FURIN: variants seen among roughly 807,000 people sequenced by gnomAD.
FURIN encodes FES upstream region.
A neutral mutation model predicts 89.2 loss-of-function variants in FURIN; 18 were observed. That is an observed-to-expected ratio of 0.20 (90% CI 0.14 to 0.30). The LOEUF is 0.30. Among genes scored for constraint, FURIN ranks in the 10% least tolerant of loss-of-function variants. The pLI is 1.00. For synonymous variants in FURIN, 508 were observed against 466.4 expected, an observed-to-expected ratio of 1.09 and a Z score of -1.15; for missense variants, 879 against 1,100.5, an observed-to-expected ratio of 0.80 and a Z score of 2.85.
In FURIN at chr15:90,881,929, A is replaced by C. The variant is rs2032006083; in HGVS notation, c.*51A>C. 6.3e-6 allele frequency: 8 copies of C among 1,269,812 alleles called. No individual in the cohort carries two copies. Among genetic ancestry groups the C allele is most frequent in the Non-Finnish European group, 8.9e-6 (8 of 900,552 alleles). 78.7% of individuals were successfully genotyped at this position (1,269,812 alleles called of 1,614,324 possible). A position where few individuals can be genotyped will look rare whatever the true frequency, so the allele number is the denominator to read the frequency against. Reference sequence around the variant, plus strand: ...CCAATCCCCTCCTTGGGCACTTTTTAATTCACCAAAGTATTTTTTTATCTT... The same window carrying C: ...CCAATCCCCTCCTTGGGCACTTTTTCATTCACCAAAGTATTTTTTTATCTT... On this transcript the variant is annotated 3_prime_UTR_variant, in exon 16 of 16. Coordinates refer to ENST00000268171, the MANE Select transcript of FURIN (RefSeq NM_002569.4). This position sits in a 1 kb window ranked among gnomAD's most constrained non-coding sequence, Gnocchi z 4.3.
At chr15:90,874,839 C>G (rs891100792) in intron 1 of FURIN, among the ~76,000 whole-genome samples, 1 of 152,066 alleles carries the variant, frequency 6.6e-6, no homozygotes, top group Non-Finnish European at 1.5e-5. Context: ...TGTATCCTTC[C>G]AGATTTCGCT....
intron 8 of FURIN, 130 bp from the exon 9 acceptor site, chr15:90,878,634 A>G (rs1353515152): frequency 3.2e-6 from 2 of 621,536 alleles, no homozygotes; most frequent in East Asian, 2.7e-5. Flanking sequence ...TTGATCCACC[A>G]GGGATCTCAC....
chr15:90,869,484 A>G (rs559580064), intron 1 of FURIN, among the ~76,000 whole-genome samples: 1 of 152,334 alleles, frequency 6.6e-6, no homozygotes, highest in African/African-American at 2.4e-5. Flanking sequence ...GTAAAATACA[A>G]TCTCATGTGA....
intron 1 of FURIN, chr15:90,873,119 G>C (rs555215544): frequency 1.3e-5 from 2 of 152,388 alleles, no homozygotes; most frequent in African/African-American, 4.8e-5. Context: ...GTCTGGGATG[G>C]GGGTGGGGAG....
intron 1 of FURIN, among the ~76,000 whole-genome samples, chr15:90,873,501 G>C (rs1388518471): frequency 2.0e-5 from 3 of 152,152 alleles, no homozygotes; most frequent in Non-Finnish European, 4.4e-5. Flanking sequence ...GTGGGGGCAG[G>C]GGGGTGGTTG....
intron 8 of FURIN, 107 bp downstream of exon 8, chr15:90,878,411 C>A: frequency 1.1e-6 from 1 of 948,764 alleles, no homozygotes; most frequent in Non-Finnish European, 1.5e-6. Flanking sequence ...TAACTTTACA[C>A]AAAGCATGTT....
At chr15:90,879,406 A>G in intron 9 of FURIN, 38 bp from the exon 10 acceptor site, 1 of 1,437,608 alleles carries the variant, frequency 7.0e-7, no homozygotes, top group South Asian at 1.1e-5. Flanking sequence ...AGCCCCCTCC[A>G]CCCATCACAG....
chr15:90,873,459 C>T (rs2031433275), intron 1 of FURIN, among the ~76,000 whole-genome samples: 2 of 152,284 alleles, frequency 1.3e-5, no homozygotes, highest in South Asian at 2.1e-4. Context: ...TTGGGGGCTC[C>T]AGCAGGACTC....
chr15:90,879,085 A>G, intron 9 of FURIN, 109 bp downstream of exon 9: 1 of 710,372 alleles, frequency 1.4e-6, no homozygotes, highest in East Asian at 2.7e-5. Context: ...GCTGGGTGAT[A>G]GTGGCTCAGG....
At position 90,876,651 on chromosome 15, in the gene FURIN, C is replaced by G. The variant is rs192956287; in HGVS notation, c.372+94C>G. On this transcript the variant is annotated intron_variant, in intron 4 of 15. Coordinates refer to ENST00000268171, the MANE Select transcript of FURIN (RefSeq NM_002569.4). The surrounding 1 kb of genome is among the most constrained non-coding windows in gnomAD (Gnocchi z 5.0). ...ATGGAGGAGGCTGTCTTCGAGGCCTCCTCTGATTCGTTTCCTTTCCTCCTG... is the reference window on the plus strand; with the variant it reads ...ATGGAGGAGGCTGTCTTCGAGGCCTGCTCTGATTCGTTTCCTTTCCTCCTG... 11 of 905,836 alleles carry G rather than the reference C, an allele frequency of 1.2e-5. No individual in the cohort carries two copies. The highest frequency in any genetic ancestry group is 6.9e-5 in the South Asian group (5 of 72,254). The allele number at this position is 905,836 out of a possible 1,614,324, so 56.1% of individuals were successfully genotyped here.
intron 1 of FURIN, among the ~76,000 whole-genome samples, chr15:90,870,546 C>A (rs994362940): frequency 1.3e-5 from 2 of 152,058 alleles, no homozygotes; most frequent in Non-Finnish European, 2.9e-5. Flanking sequence ...GGTTATCTCA[C>A]AGGGAGCGAG....
chr15:90,875,334 C>T lies in FURIN; in HGVS notation c.-159-248C>T, dbSNP rs184002113. On this transcript the variant is annotated intron_variant, in intron 1 of 15. Coordinates refer to ENST00000268171, the MANE Select transcript of FURIN (RefSeq NM_002569.4). ...CAGAAGTGAGCCACCATGCCTGGCC[C>T]TTCTGTTACATTTCTTATATTCTTG... Among the ~76,000 whole-genome samples the T allele has an allele frequency of 2.6e-4, 40 of 152,232 alleles. 2 individuals are homozygous for T. The highest frequency in any genetic ancestry group is 1.2e-3 in the Admixed American group (18 of 15,282).
chr15:90,871,942 G>T (rs2031329936), intron 1 of FURIN, among the ~76,000 whole-genome samples: 1 of 151,338 alleles, frequency 6.6e-6, no homozygotes, highest in Non-Finnish European at 1.5e-5. Context: ...TCCGCGTGGG[G>T]CCAGGGCGAG....
chr15:90,878,854 A>G lies in FURIN; in HGVS notation c.931A>G (p.Ser311Gly). 1.2e-6 allele frequency: 2 copies of G among 1,610,608 alleles called. No homozygotes were observed. Among genetic ancestry groups the G allele is most frequent in the Non-Finnish European group, 1.7e-6 (2 of 1,178,524 alleles). Reference protein sequence around the residue: ...DSCNCDGYTNSIYTLSISSAT... With the variant: ...DSCNCDGYTNGIYTLSISSAT... Reference sequence around the variant, plus strand: ...CTGCAACTGCGACGGCTACACCAACAGTATCTACACGCTGTCCATCAGCAG... The same window carrying G: ...CTGCAACTGCGACGGCTACACCAACGGTATCTACACGCTGTCCATCAGCAG... The change falls in exon 9 of 16, where the codon AGT becomes GGT. Residue 311 changes from serine to glycine, a missense_variant. By Grantham distance (56) the Ser-to-Gly change is moderately conservative. This residue lies in a region of FURIN where 156 missense variants were observed against 243.7 expected (regional missense o/e 0.64). Transcript: ENST00000268171.
Position 90,876,113 on chromosome 15 carries a change from T to C in FURIN, c.178-142T>C, listed in dbSNP as rs2031604016. ...AGTGAGTCCTCATGGTCCCCGCATT[T>C]TGCTGGGTCCCGGACAGGGAGCAGA... On this transcript the variant is annotated intron_variant, in intron 2 of 15. Coordinates refer to ENST00000268171, the MANE Select transcript of FURIN (RefSeq NM_002569.4). This position sits in a 1 kb window ranked among gnomAD's most constrained non-coding sequence, Gnocchi z 5.0. The C allele has an allele frequency of 1.3e-6, 1 of 776,796 alleles. No individual in the cohort carries two copies. Among genetic ancestry groups the C allele is most frequent in the South Asian group, 1.6e-5 (1 of 64,432 alleles). The allele number at this position is 776,796 out of a possible 1,614,324, so 48.1% of individuals were successfully genotyped here.
rs1277304465 is a variant in FURIN at position 90,881,776 on chromosome 15, G to C, written c.2283G>C (p.Gly761=). ...TMDRGLISYK[G]LPPEAWQEEC... ...ACCGTGGCCTCATCTCCTACAAGGG[G>C]CTGCCCCCTGAAGCCTGGCAGGAGG... Residue 761 remains glycine (G), a synonymous_variant, in exon 16 of 16, where the codon GGG becomes GGC. Coordinates refer to ENST00000268171, the MANE Select transcript of FURIN (RefSeq NM_002569.4). This position sits in a 1 kb window ranked among gnomAD's most constrained non-coding sequence, Gnocchi z 4.3. The C allele has an allele frequency of 6.2e-7, 1 of 1,613,248 alleles. No individual in the cohort carries two copies. Among genetic ancestry groups the C allele is most frequent in the Non-Finnish European group, 8.5e-7 (1 of 1,179,736 alleles).
In FURIN at chr15:90,874,218, G is replaced by A. The variant is rs559375043; in HGVS notation, c.-159-1364G>A. 2.0e-5 allele frequency among the ~76,000 whole-genome samples: 3 copies of A among 152,372 alleles called. No individual in the cohort carries two copies. In the South Asian group the frequency reaches 6.2e-4, roughly 32 times the overall value. On this transcript the variant is annotated intron_variant, in intron 1 of 15. Coordinates refer to ENST00000268171, the MANE Select transcript of FURIN (RefSeq NM_002569.4). ...ATGTGGGGACAGTTATGTGGCCCCG[G>A]GCAGAGAGAGGTCCCGCCGTCTGTT...
intron 1 of FURIN, among the ~76,000 whole-genome samples, chr15:90,871,333 C>G (rs919031821): frequency 2.6e-5 from 4 of 151,984 alleles, no homozygotes; most frequent in African/African-American, 9.6e-5. Context: ...AGCCCGGGGG[C>G]GGGGGCACGG....
intron 6 of FURIN, 149 bp from the exon 7 acceptor site, chr15:90,877,378 C>T (rs1027622571): frequency 1.0e-5 from 9 of 866,620 alleles, no homozygotes; most frequent in Non-Finnish European, 1.6e-5. Context: ...GAGATGGCCA[C>T]AGGCCCAGTG....
Sources: allele counts gnomAD v4.1 joint callset (sites outside exome capture counted in the v4.1 genomes callset), GRCh38; gene constraint gnomAD v4.1.1; regional missense constraint gnomAD v4.1.1; non-coding constraint Gnocchi (gnomAD v3.1); transcripts MANE v1.5; gene names NCBI Gene and HGNC (gene_info 2026-07-23, HGNC 2026-07-21).